The following MBNL1 variants were observed in gnomAD, a reference collection of about 807,000 sequenced individuals.
MBNL1 encodes muscleblind-like protein 1.
In MBNL1, 8 loss-of-function variants were observed where a neutral mutation model predicts 42.2. The ratio of observed to expected loss-of-function variants is 0.19; its 90% CI spans 0.11 to 0.34. The LOEUF is 0.34. MBNL1 is among the 10% of genes least tolerant of loss of function. MBNL1 has a pLI of 1.00. For missense variants in MBNL1, 309 were observed against 495.3 expected (o/e 0.62, Z 3.57); for synonymous variants, 169 against 173.9 (o/e 0.97, Z 0.22).
upstream of MBNL1, chr3:152,266,585 C>T (rs1275185806): frequency 5.3e-5 from 8 of 152,136 alleles, no homozygotes; most frequent in Non-Finnish European, 1.5e-5. Context: ...CTTAGTGGTT[C>T]GCAGGCATTC....
At chr3:152,283,141 A>G (rs1047316936) in intron 1 of MBNL1, among the ~76,000 whole-genome samples, 1 of 152,204 alleles carries the variant, frequency 6.6e-6, no homozygotes, top group African/African-American at 2.4e-5. Context: ...TTTTAGAGCA[A>G]TCACCAACTG....
At chr3:152,441,841 G>A (rs1358308011) in intron 4 of MBNL1, among the ~76,000 whole-genome samples, 4 of 152,136 alleles carry the variant, frequency 2.6e-5, no homozygotes, top group African/African-American at 9.7e-5. Flanking sequence ...TGCCCAGGCT[G>A]GAGTGCAGTG....
chr3:152,268,455 C>T (rs2037874157), upstream of MBNL1: 1 of 301,744 alleles, frequency 3.3e-6, no homozygotes, highest in Non-Finnish European at 6.5e-6. Context: ...TGGCTTCTAA[C>T]CTTCAATCTA....
rs1041121445 is a variant in MBNL1 at position 152,335,160 on chromosome 3, T to C, written c.174+34793T>C. 4.7e-6 allele frequency: 6 copies of C among 1,289,612 alleles called. No homozygotes were observed. The African/African-American group carries it at 9.1e-5, about 20-fold the overall frequency. 79.9% of individuals were successfully genotyped at this position (1,289,612 alleles called of 1,614,324 possible). A position where few individuals can be genotyped will look rare whatever the true frequency, so the allele number is the denominator to read the frequency against. ...AGGGGAACCTTCTGGATCCTTTTCA[T>C]GGCACCATGGCAAGAAGAAGCTGTA... On this transcript the variant is annotated intron_variant, in intron 2 of 9. Coordinates refer to ENST00000324210, the MANE Select transcript of MBNL1 (RefSeq NM_021038.5).
chr3:152,442,141 A>G (rs6783355), intron 4 of MBNL1, among the ~76,000 whole-genome samples: 1,673 of 152,274 alleles, frequency 0.011, 28 homozygotes, highest in African/African-American at 0.038. Context: ...ATACCAATAA[A>G]TCTGTACATT....
intron 2 of MBNL1, chr3:152,338,693 A>G: frequency 1.0e-6 from 1 of 985,382 alleles, no homozygotes; most frequent in Non-Finnish European, 1.2e-6. Flanking sequence ...TGATTTCTCT[A>G]GGAAGCCGTT....
chr3:152,375,101 A>G (rs1319691666), intron 2 of MBNL1, among the ~76,000 whole-genome samples: 1 of 152,180 alleles, frequency 6.6e-6, no homozygotes, highest in Admixed American at 6.5e-5. Flanking sequence ...CAGCCTCCCA[A>G]GTAGCTGGGA....
chr3:152,398,405 T>C (rs1243759079), intron 2 of MBNL1, among the ~76,000 whole-genome samples: 4 of 151,988 alleles, frequency 2.6e-5, no homozygotes, highest in Non-Finnish European at 4.4e-5. Context: ...TCTTTTAGGG[T>C]GTGTAGTAAA....
chr3:152,370,216 G>A (rs986439087), intron 2 of MBNL1, among the ~76,000 whole-genome samples: 1 of 151,966 alleles, frequency 6.6e-6, no homozygotes, highest in African/African-American at 2.4e-5. Context: ...TGTTCTCATT[G>A]GTTTCAAAGA....
At chr3:152,267,260 T>A (rs2037439054), upstream of MBNL1, 2 of 152,480 alleles carry the variant, frequency 1.3e-5, no homozygotes, top group Non-Finnish European at 2.9e-5. Flanking sequence ...TCCCTTTTGA[T>A]CTTGCCAACT....
intron 2 of MBNL1, among the ~76,000 whole-genome samples, chr3:152,407,976 G>A (rs2098473519): frequency 6.6e-6 from 1 of 152,014 alleles, no homozygotes; most frequent in Admixed American, 6.6e-5. Flanking sequence ...GAGTTTGTTG[G>A]GGAGGGCGAG....
At chr3:152,413,602 G>A (rs180891319) in intron 2 of MBNL1, among the ~76,000 whole-genome samples, 6 of 152,270 alleles carry the variant, frequency 3.9e-5, no homozygotes, top group South Asian at 4.1e-4. Context: ...AGCCAAAACC[G>A]ATCATTTAAA....
At chr3:152,313,600 G>T (rs905026591) in intron 2 of MBNL1, among the ~76,000 whole-genome samples, 11 of 152,116 alleles carry the variant, frequency 7.2e-5, no homozygotes, top group African/African-American at 2.7e-4. Context: ...CGTTTGTATT[G>T]TTCTTATCTG....
At chr3:152,352,247 G>A (rs577075479) in intron 2 of MBNL1, among the ~76,000 whole-genome samples, 2 of 152,152 alleles carry the variant, frequency 1.3e-5, no homozygotes, top group South Asian at 2.1e-4. Flanking sequence ...GCCGATGACA[G>A]CTTTCATGTA....
At chr3:152,260,937 A>G (rs965849437) in intron 2 of MBNL1, among the ~76,000 whole-genome samples, 1 of 152,192 alleles carries the variant, frequency 6.6e-6, no homozygotes, top group Non-Finnish European at 1.5e-5. Flanking sequence ...GCACCAGCCT[A>G]CCCAAATCTA....
intron 1 of MBNL1, among the ~76,000 whole-genome samples, chr3:152,273,198 T>C (rs1208394640): frequency 6.6e-6 from 1 of 152,234 alleles, no homozygotes; most frequent in Non-Finnish European, 1.5e-5. Flanking sequence ...TGGAGAATTA[T>C]TGATTGCAAG....
intron 4 of MBNL1, among the ~76,000 whole-genome samples, chr3:152,444,887 T>C (rs184328829): frequency 9.2e-5 from 14 of 152,334 alleles, no homozygotes; most frequent in African/African-American, 3.4e-4. Flanking sequence ...GCCCTTCTCA[T>C]TGTATCATAT....
chr3:152,320,577 T>C (rs1426213456), intron 2 of MBNL1, among the ~76,000 whole-genome samples: 3 of 152,106 alleles, frequency 2.0e-5, no homozygotes, highest in Non-Finnish European at 4.4e-5. Flanking sequence ...TTCATAAGGG[T>C]GCTTTGTTGG....
rs1040500445 is a variant in MBNL1 at position 152,396,404 on chromosome 3, G to A, written c.175-18537G>A. On this transcript the variant is annotated intron_variant, in intron 2 of 9. Coordinates refer to ENST00000324210, the MANE Select transcript of MBNL1 (RefSeq NM_021038.5). ...GGTGCCAAAAAGGTTGGGGACCACT[G>A]TTATAGAAGACATAATGCTCAGACT... Among the ~76,000 whole-genome samples the A allele has an allele frequency of 4.6e-5, 7 of 152,106 alleles. No homozygotes were observed. In the South Asian group the frequency reaches 8.3e-4, roughly 18 times the overall value.
Sources: allele counts gnomAD v4.1 joint callset (sites outside exome capture counted in the v4.1 genomes callset), GRCh38; gene constraint gnomAD v4.1.1; transcripts MANE v1.5; gene names NCBI Gene and HGNC (gene_info 2026-07-23, HGNC 2026-07-21).